Variants in IPO11 observed in about 807,000 individuals in gnomAD.
The protein encoded by IPO11 is importin-11.
IPO11 carries 66 observed loss-of-function variants against 143.2 expected under a neutral mutation model. The ratio of observed to expected loss-of-function variants is 0.46; its 90% CI spans 0.38 to 0.57. IPO11 has a LOEUF of 0.57. IPO11 is among the 20% of genes least tolerant of loss of function. The probability of loss-of-function intolerance (pLI) is 0.00; values close to 1 mark genes in which losing one functional copy is unlikely to be tolerated. For synonymous variants in IPO11, 385 were observed against 377.8 expected (o/e 1.02, Z -0.22); for missense variants, 1,026 against 1,141.0 (o/e 0.90, Z 1.45).
rs760325431 is a variant in IPO11 at position 62,451,798 on chromosome 5, A to G, written c.381A>G (p.Glu127=). The stretch of plus-strand genomic sequence containing the variant: ...TGGATTGTCCCAGACAGTGGCCTGA[A>G]CTAATTCCCACTCTTATAGAGTCTG... The part of the protein sequence containing the change: ...ARLDCPRQWP[E]LIPTLIESVK... The change falls in exon 5 of 30, where the codon GAA becomes GAG. Residue 127 remains glutamate (E), a synonymous_variant. Transcript: ENST00000325324. 2.5e-6 allele frequency: 4 copies of G among 1,614,056 alleles called. No homozygotes were observed. The African/African-American group carries it at 5.3e-5, about 22-fold the overall frequency.
intron 29 of IPO11, among the ~76,000 whole-genome samples, chr5:62,608,842 C>T (rs1185657889): frequency 6.6e-6 from 1 of 152,150 alleles, no homozygotes; most frequent in Non-Finnish European, 1.5e-5. Flanking sequence ...AAATGTATAA[C>T]GATGTGTATC....
intron 5 of IPO11, among the ~76,000 whole-genome samples, chr5:62,465,766 G>C (rs1745552220): frequency 6.6e-6 from 1 of 152,228 alleles, no homozygotes; most frequent in Non-Finnish European, 1.5e-5. Flanking sequence ...AGTTTGTAAA[G>C]ATACAGTGAA....
intron 2 of IPO11, among the ~76,000 whole-genome samples, chr5:62,442,142 C>T (rs977577175): frequency 7.2e-5 from 11 of 152,150 alleles, no homozygotes; most frequent in African/African-American, 2.7e-4. Context: ...CCGCGCCCAG[C>T]TTTATCAAAC....
intron 3 of IPO11, among the ~76,000 whole-genome samples, chr5:62,444,865 T>G (rs1744661837): frequency 6.6e-6 from 1 of 151,704 alleles, no homozygotes; most frequent in Non-Finnish European, 1.5e-5. Flanking sequence ...TGAGACTATG[T>G]CTCAAAAGAG....
At chr5:62,499,962 C>G (rs1741292513) in intron 16 of IPO11, among the ~76,000 whole-genome samples, 1 of 152,180 alleles carries the variant, frequency 6.6e-6, no homozygotes, top group African/African-American at 2.4e-5. Flanking sequence ...CGTTAACACA[C>G]ATGCAGCTGT....
rs766475687 is a variant in IPO11 at position 62,504,849 on chromosome 5, GTTC to G, written c.1625-5_1625-3del. On this transcript the variant is annotated splice_polypyrimidine_tract_variant and splice_region_variant and intron_variant, in intron 17 of 29. Coordinates refer to ENST00000325324, the MANE Select transcript of IPO11 (RefSeq NM_016338.5). ...TATATATTCTCAGTATTCCTTAACT[GTTC>G]TTCACCTGTTGATGATTTTGAATTT... The G allele has an allele frequency of 1.9e-6, 3 of 1,542,868 alleles. No individual in the cohort carries two copies. Among genetic ancestry groups the G allele is most frequent in the Non-Finnish European group, 2.7e-6 (3 of 1,129,970 alleles).
chr5:62,535,027 A>ATTTATTTAT (rs1463345762), intron 22 of IPO11, among the ~76,000 whole-genome samples: 1 of 148,712 alleles, frequency 6.7e-6, no homozygotes, highest in Admixed American at 6.7e-5. Flanking sequence ...ATATTTATTT[A>ATTTATTTAT]TTTATTTATT....
intron 26 of IPO11, among the ~76,000 whole-genome samples, chr5:62,551,559 A>G (rs1162376155): frequency 6.6e-6 from 1 of 152,188 alleles, no homozygotes; most frequent in African/African-American, 2.4e-5. Context: ...AGGTGATTTT[A>G]TTCTGCTTAG....
rs149729016 is a variant in IPO11, at chr5:62,596,765, C to T, written c.2679-4999C>T. Among the ~76,000 whole-genome samples, 252 of 152,194 alleles carry T rather than the reference C, an allele frequency of 1.7e-3. 2 individuals are homozygous for T. Among genetic ancestry groups the T allele is most frequent in the African/African-American group, 5.9e-3 (245 of 41,532 alleles). On this transcript the variant is annotated intron_variant, in intron 28 of 29. Transcript: ENST00000325324. ...TCTCTCTCTCTTCAGTTTTCCCCCT[C>T]TGATCCATTCTGCCCCACTTAAAAT... is the stretch of plus-strand genomic sequence containing the variant.
At chr5:62,414,306 AT>A (rs1023258118) in intron 1 of IPO11, among the ~76,000 whole-genome samples, 3 of 151,750 alleles carry the variant, frequency 2.0e-5, no homozygotes, top group East Asian at 3.9e-4. Context: ...CAGAAACAAA[AT>A]TTTTTTTTCT....
intron 26 of IPO11, 62 bp downstream of exon 26, chr5:62,551,398 T>G (rs1328244164): frequency 2.6e-5 from 24 of 906,032 alleles, no homozygotes; most frequent in Non-Finnish European, 3.9e-5. Flanking sequence ...AGAAATAGTT[T>G]GATGAAATAA....
intron 2 of IPO11, among the ~76,000 whole-genome samples, chr5:62,438,358 A>G (rs1744315875): frequency 6.6e-6 from 1 of 152,216 alleles, no homozygotes; most frequent in South Asian, 2.1e-4. Flanking sequence ...CGTAAAAAAA[A>G]AAAGATTGAT....
intron 26 of IPO11, among the ~76,000 whole-genome samples, chr5:62,554,282 A>G (rs1743491996): frequency 6.6e-6 from 1 of 152,166 alleles, no homozygotes; most frequent in African/African-American, 2.4e-5. Context: ...TTAGTTTGAT[A>G]GAATCCCATT....
intron 24 of IPO11, among the ~76,000 whole-genome samples, chr5:62,546,618 C>CA (rs2112341298): frequency 1.3e-5 from 2 of 151,966 alleles, no homozygotes; most frequent in African/African-American, 4.8e-5. Context: ...CACACACACA[C>CA]AATCTGTTGC....
rs1746465095 is a variant in IPO11, at chr5:62,623,933, A to G, written c.2764-3221A>G. 2.0e-5 allele frequency among the ~76,000 whole-genome samples: 3 copies of G among 151,626 alleles called. 1 individual carries two copies. In the South Asian group the frequency reaches 6.3e-4, roughly 32 times the overall value. ...CCACAATGCCCGGCCTTTTATGGGT[A>G]TTACTTGATTATATGCTAAACAAAG... is the stretch of plus-strand genomic sequence containing the variant. On this transcript the variant is annotated intron_variant, in intron 29 of 29. Transcript: ENST00000325324.
intron 19 of IPO11, among the ~76,000 whole-genome samples, chr5:62,514,197 G>T (rs1280681575): frequency 6.6e-6 from 1 of 152,032 alleles, no homozygotes; most frequent in African/African-American, 2.4e-5. Flanking sequence ...GGTGGCGGCC[G>T]GGCAGGGGCT....
chr5:62,596,268 C>CAAAAAAAAAAAAAAA (rs71608515), intron 28 of IPO11, among the ~76,000 whole-genome samples: 40 of 95,602 alleles, frequency 4.2e-4, no homozygotes, highest in African/African-American at 7.3e-4. Flanking sequence ...GGCCCTGTCT[C>CAAAAAAAAAAAAAAA]AAAAAAAAAA....
In IPO11 at chr5:62,538,738, GA is replaced by G. The variant is rs550953484; in HGVS notation, c.2250+1450del. 2.0e-3 allele frequency among the ~76,000 whole-genome samples: 308 copies of G among 152,316 alleles called. 2 individuals carry two copies. Among genetic ancestry groups the G allele is most frequent in the African/African-American group, 7.2e-3 (301 of 41,570 alleles). On this transcript the variant is annotated intron_variant, in intron 24 of 29. Transcript: ENST00000325324. ...ACATTAACCAGTAAGATACCATCTA[GA>G]TTTGCGTAAGCACAGTCTATGACGT...
rs1396543663 is a variant in IPO11, at chr5:62,628,480, T to C, written c.*1162T>C. Reference sequence around the variant, plus strand: ...CAGTATGTAACTGCGGGAAACCCACTGCCCCTTTGTAAGCTGTGGAACCCA... The same window carrying C: ...CAGTATGTAACTGCGGGAAACCCACCGCCCCTTTGTAAGCTGTGGAACCCA... On this transcript the variant is annotated 3_prime_UTR_variant, in exon 30 of 30. Transcript: ENST00000325324. 1 of 152,642 alleles carries C rather than the reference T, an allele frequency of 6.6e-6. No individual in the cohort carries two copies. The highest frequency in any genetic ancestry group is 1.9e-4 in the East Asian group (1 of 5,200). 9.5% of individuals were successfully genotyped at this position (152,642 alleles called of 1,614,324 possible).
Sources: gnomAD v4.1 joint callset for allele counts (sites outside exome capture counted in the v4.1 genomes callset) on GRCh38, gnomAD v4.1.1 for gene constraint, MANE v1.5 for transcripts, NCBI Gene and HGNC (gene_info 2026-07-23, HGNC 2026-07-21) for gene names.